The following NOVA1 variants were observed in gnomAD, a reference collection of about 807,000 sequenced individuals.
NOVA1 encodes NOVA alternative splicing regulator 1, also known as RNA-binding protein Nova-1.
NOVA1 carries 7 observed loss-of-function variants against 38.0 expected under a neutral mutation model. The ratio of observed to expected loss-of-function variants is 0.18; its 90% confidence interval spans 0.10 to 0.35. The LOEUF is 0.35. Ranked by LOEUF, NOVA1 falls within the 10% of genes least tolerant of loss-of-function variation. The pLI is 1.00. For missense variants in NOVA1, 460 were observed against 616.0 expected (o/e 0.75, Z 2.68); for synonymous variants, 270 against 232.5 (o/e 1.16, Z -1.47).
At position 26,489,985 on chromosome 14, in the gene NOVA1, CTG is replaced by C. The variant is rs527545012; in HGVS notation, c.281-9844_281-9843del. The stretch of plus-strand genomic sequence containing the variant: ...TCCAAAAGTTTTTCATTATCACAAA[CTG>C]TAACTCTAACCATTAAGAAATAAAT... On this transcript the variant is annotated intron_variant, in intron 2 of 4. Transcript: ENST00000539517. Among the ~76,000 whole-genome samples the C allele has an allele frequency of 3.3e-3, 498 of 152,256 alleles. 3 individuals are homozygous for C. The highest frequency in any genetic ancestry group is 0.011 in the African/African-American group (471 of 41,540).
intron 2 of NOVA1, among the ~76,000 whole-genome samples, chr14:26,542,526 C>T (rs1018071537): frequency 6.6e-6 from 1 of 151,692 alleles, no homozygotes. Flanking sequence ...AGGGTAATCA[C>T]TCAAAATAAC....
At chr14:26,489,698 T>C (rs1196026725) in intron 2 of NOVA1, among the ~76,000 whole-genome samples, 1 of 151,916 alleles carries the variant, frequency 6.6e-6, no homozygotes, top group African/African-American at 2.4e-5. Context: ...TGTTATTTTT[T>C]AGTGGTGCAC....
intron 2 of NOVA1, among the ~76,000 whole-genome samples, chr14:26,517,783 T>G (rs1046042723): frequency 3.3e-5 from 5 of 152,198 alleles, no homozygotes; most frequent in Non-Finnish European, 7.4e-5. Context: ...TGCCATGGCA[T>G]AGTCATATGT....
intron 2 of NOVA1, among the ~76,000 whole-genome samples, chr14:26,510,932 C>T (rs753382893): frequency 6.6e-5 from 10 of 151,896 alleles, no homozygotes; most frequent in Non-Finnish European, 1.3e-4. Context: ...ATGGACAAAC[C>T]AGACTGGTTA....
intron 4 of NOVA1, among the ~76,000 whole-genome samples, chr14:26,461,801 A>C (rs551087584): frequency 1.3e-5 from 2 of 149,570 alleles, no homozygotes; most frequent in East Asian, 4.0e-4. Context: ...CCAGGCATGC[A>C]TGGTGGCTCA....
rs1328967079 is a variant in NOVA1 at position 26,472,375 on chromosome 14, G to A, written c.464C>T (p.Pro155Leu). 6.5e-7 allele frequency: 1 copy of A among 1,540,834 alleles called. No homozygotes were observed. Among genetic ancestry groups the A allele is most frequent in the Admixed American group, 1.8e-5 (1 of 54,886 alleles). Residue 155 changes from proline to leucine, a missense_variant, in exon 4 of 5, where the codon CCA becomes CTA. Coordinates refer to ENST00000539517, the MANE Select transcript of NOVA1 (RefSeq NM_002515.3). ...DRIKQTLPSS[P>L]TTTKSSPSDP... ...AGATGGAGAGGACTTGGTGGTAGTTGGGGAAGATGGCAATGTCTGGGAAAC... is the reference window on the plus strand; with the variant it reads ...AGATGGAGAGGACTTGGTGGTAGTTAGGGAAGATGGCAATGTCTGGGAAAC...
At chr14:26,531,034 CACT>C (rs1889674729) in intron 2 of NOVA1, among the ~76,000 whole-genome samples, 1 of 152,086 alleles carries the variant, frequency 6.6e-6, no homozygotes. Context: ...CACCTAAACC[CACT>C]ACTAATAGGA....
At chr14:26,529,546 T>A (rs1889551538) in intron 2 of NOVA1, among the ~76,000 whole-genome samples, 1 of 152,200 alleles carries the variant, frequency 6.6e-6, no homozygotes, top group African/African-American at 2.4e-5. Flanking sequence ...GAATGTATAC[T>A]TATAGGCCAC....
chr14:26,489,792 T>C (rs1310683025), intron 2 of NOVA1, among the ~76,000 whole-genome samples: 4 of 151,996 alleles, frequency 2.6e-5, no homozygotes, highest in Admixed American at 2.6e-4. Context: ...CCAGAGATCA[T>C]GCCACTGCAC....
chr14:26,455,106 G>A (rs1279730444), intron 4 of NOVA1, among the ~76,000 whole-genome samples: 2 of 152,112 alleles, frequency 1.3e-5, no homozygotes, highest in Non-Finnish European at 2.9e-5. Context: ...ACTTCCACTA[G>A]TTTGTTTAAT....
chr14:26,589,500 C>T (rs1406985900), intron 2 of NOVA1, among the ~76,000 whole-genome samples: 1 of 151,720 alleles, frequency 6.6e-6, no homozygotes, highest in African/African-American at 2.4e-5. Flanking sequence ...TATGCTACAC[C>T]TGTCCTGTTT....
chr14:26,559,723 A>C (rs1157898909), intron 2 of NOVA1, among the ~76,000 whole-genome samples: 1 of 152,160 alleles, frequency 6.6e-6, no homozygotes, highest in African/African-American at 2.4e-5. Flanking sequence ...ACTGCTGGTT[A>C]TCAGAGGCTG....
At chr14:26,565,395 T>G (rs954686323) in intron 2 of NOVA1, among the ~76,000 whole-genome samples, 1 of 152,150 alleles carries the variant, frequency 6.6e-6, no homozygotes, top group African/African-American at 2.4e-5. Flanking sequence ...CATTCTTTCG[T>G]GTCCCTCAGA....
intron 4 of NOVA1, among the ~76,000 whole-genome samples, chr14:26,451,782 T>C (rs1180104170): frequency 6.6e-6 from 1 of 152,226 alleles, no homozygotes; most frequent in Non-Finnish European, 1.5e-5. Context: ...ACAATGTCTA[T>C]CTTTATATTA....
intron 4 of NOVA1, among the ~76,000 whole-genome samples, chr14:26,459,962 A>G (rs1174261112): frequency 6.6e-6 from 1 of 151,956 alleles, no homozygotes; most frequent in African/African-American, 2.4e-5. Flanking sequence ...CATATTTTTG[A>G]AATGATTTAT....
intron 2 of NOVA1, among the ~76,000 whole-genome samples, chr14:26,583,779 AAC>A (rs1213617157): frequency 2.0e-5 from 3 of 151,526 alleles, no homozygotes; most frequent in African/African-American, 7.2e-5. Flanking sequence ...AAAATTACAT[AAC>A]AGAGAATCCA....
chr14:26,560,678 T>C (rs573634185), intron 2 of NOVA1, among the ~76,000 whole-genome samples: 2 of 152,228 alleles, frequency 1.3e-5, no homozygotes, highest in South Asian at 4.1e-4. Context: ...AATATATATA[T>C]TTACACACAT....
At chr14:26,478,984 G>A (rs958639698) in intron 3 of NOVA1, 24 of 151,236 alleles carry the variant, frequency 1.6e-4, no homozygotes, top group Non-Finnish European at 3.0e-4. Flanking sequence ...CTATATATTG[G>A]TAAAATTATA....
chr14:26,520,606 T>C (rs1888801038), intron 2 of NOVA1, among the ~76,000 whole-genome samples: 1 of 152,138 alleles, frequency 6.6e-6, no homozygotes, highest in African/African-American at 2.4e-5. Context: ...ACCTAAGCTA[T>C]GAAAATATGT....
Sources: gnomAD v4.1 joint callset for allele counts (sites outside exome capture counted in the v4.1 genomes callset) on GRCh38, gnomAD v4.1.1 for gene constraint, MANE v1.5 for transcripts, NCBI Gene and HGNC (gene_info 2026-07-23, HGNC 2026-07-21) for gene names.